Variants in SRSF10 observed in about 807,000 individuals in gnomAD.
The protein encoded by SRSF10 is serine and arginine rich splicing factor 10.
In SRSF10, 9 loss-of-function variants were observed where a neutral mutation model predicts 32.6. The ratio of observed to expected loss-of-function variants is 0.28; its 90% CI spans 0.17 to 0.48. The LOEUF (loss-of-function observed/expected upper bound fraction) is 0.48. SRSF10 is among the 20% of genes least tolerant of loss of function. The pLI is 0.99. For synonymous variants in SRSF10, 105 were observed against 112.4 expected (o/e 0.93, Z 0.42); for missense variants, 201 against 331.8 (o/e 0.61, Z 3.06).
chr1:23,977,635 C>G lies in SRSF10; in HGVS notation c.170+1078G>C, dbSNP rs1257486796. On this transcript the variant is annotated intron_variant, in intron 2 of 5. Coordinates refer to ENST00000492112, the MANE Select transcript of SRSF10 (RefSeq NM_054016.4). ...TCTGTGGCTTAACCCCAGAACCCCACGCTACTCCAAAGAGCACTGCCTGCT... is the reference window on the plus strand; with the variant it reads ...TCTGTGGCTTAACCCCAGAACCCCAGGCTACTCCAAAGAGCACTGCCTGCT... The G allele has an allele frequency of 2.0e-5, 3 of 152,820 alleles. No homozygotes were observed. The Admixed American group carries it at 2.0e-4, about 10-fold the overall frequency. The allele number at this position is 152,820 out of a possible 1,614,324, so 9.5% of individuals were successfully genotyped here. A position where few individuals can be genotyped will look rare whatever the true frequency, so the allele number is the denominator to read the frequency against.
At position 23,971,561 on chromosome 1, in the gene SRSF10, A is replaced by G; in HGVS notation, c.491+12T>C. ...AAAATACATGAGTCTTTTTCAAAGC[A>G]AAGTTATTTACCTATCATTGTCGGA... On this transcript the variant is annotated intron_variant, in intron 5 of 5. Coordinates refer to ENST00000492112, the MANE Select transcript of SRSF10 (RefSeq NM_054016.4). The G allele has an allele frequency of 6.2e-7, 1 of 1,607,180 alleles. No individual in the cohort carries two copies. Among genetic ancestry groups the G allele is most frequent in the Non-Finnish European group, 8.5e-7 (1 of 1,178,728 alleles).
chr1:23,965,938 T>A lies in SRSF10; in HGVS notation c.*5204A>T, dbSNP rs1641428695. The A allele has an allele frequency of 6.6e-6, 1 of 151,934 alleles. No individual in the cohort carries two copies. Among genetic ancestry groups the A allele is most frequent in the Admixed American group, 6.6e-5 (1 of 15,234 alleles). 9.4% of individuals were successfully genotyped at this position (151,934 alleles called of 1,614,324 possible). ...CTTTTAAAAATACATAGAACCTCTG[T>A]CCATAAGAACCCCTATGTTAATGAG... is the stretch of plus-strand genomic sequence containing the variant. On this transcript the variant is annotated 3_prime_UTR_variant, in exon 6 of 6. Transcript: ENST00000492112.
At chr1:23,971,823 G>T (rs1641772986) in intron 4 of SRSF10, 27 bp downstream of exon 4, 1 of 1,576,466 alleles carries the variant, frequency 6.3e-7, no homozygotes, top group South Asian at 1.2e-5. Flanking sequence ...TTTTTAAACA[G>T]ATCACTGTGC....
At chr1:23,971,498 TTTG>T in intron 5 of SRSF10, 59 bp from the exon 6 acceptor site, 1 of 1,588,196 alleles carries the variant, frequency 6.3e-7, no homozygotes, top group Non-Finnish European at 8.5e-7. Flanking sequence ...ATTAATCAAA[TTTG>T]TTATTTTTAG....
Position 23,967,920 on chromosome 1 carries a change from G to A in SRSF10, c.*3222C>T, listed in dbSNP as rs1320394738. Reference sequence around the variant, plus strand: ...TATGTAGCACCTTTCCTCTCTCACTGAAGCATTATCTCTCATTTTTCTTCT... The same window carrying A: ...TATGTAGCACCTTTCCTCTCTCACTAAAGCATTATCTCTCATTTTTCTTCT... On this transcript the variant is annotated 3_prime_UTR_variant, in exon 6 of 6. Transcript: ENST00000492112. 6 of 1,543,736 alleles carry A rather than the reference G, an allele frequency of 3.9e-6. No homozygotes were observed. The highest frequency in any genetic ancestry group is 5.2e-6 in the Non-Finnish European group (6 of 1,145,950).
At chr1:23,974,592 G>A (rs1641970554) in intron 3 of SRSF10, among the ~76,000 whole-genome samples, 1 of 152,188 alleles carries the variant, frequency 6.6e-6, no homozygotes, top group East Asian at 1.9e-4. Context: ...ACTTTGAGAG[G>A]CTGAGGCAGG....
intron 3 of SRSF10, among the ~76,000 whole-genome samples, chr1:23,974,262 G>A (rs1229167081): frequency 1.1e-4 from 17 of 152,132 alleles, no homozygotes; most frequent in Non-Finnish European, 2.5e-4. Flanking sequence ...ACTGCACCCT[G>A]CGGTTATTTT....
In SRSF10 at chr1:23,965,235, G is replaced by A. The variant is rs952350233; in HGVS notation, c.*5907C>T. ...TGCTAGTCCTCCTTCCTAATAGAATGCCCTCAGATTATTCCTGAGCTATCA... is the reference window on the plus strand; with the variant it reads ...TGCTAGTCCTCCTTCCTAATAGAATACCCTCAGATTATTCCTGAGCTATCA... On this transcript the variant is annotated 3_prime_UTR_variant, in exon 6 of 6. Coordinates refer to ENST00000492112, the MANE Select transcript of SRSF10 (RefSeq NM_054016.4). 4.6e-5 allele frequency: 7 copies of A among 151,904 alleles called. No individual in the cohort carries two copies. The highest frequency in any genetic ancestry group is 1.0e-4 in the Non-Finnish European group (7 of 67,832). The allele number at this position is 151,904 out of a possible 1,614,324, so 9.4% of individuals were successfully genotyped here.
chr1:23,975,895 C>T (rs1275091518), intron 2 of SRSF10: 2 of 152,156 alleles, frequency 1.3e-5, no homozygotes, highest in Non-Finnish European at 2.9e-5. Flanking sequence ...TATTATTTAC[C>T]AGCCTTAAGC....
chr1:23,977,777 A>C (rs1269898976), intron 2 of SRSF10: 1 of 419,238 alleles, frequency 2.4e-6, no homozygotes, highest in Non-Finnish European at 3.2e-6. Context: ...ACAAGACCAC[A>C]ATCACAACAT....
At chr1:23,974,299 G>A (rs916812678) in intron 3 of SRSF10, among the ~76,000 whole-genome samples, 1 of 152,068 alleles carries the variant, frequency 6.6e-6, no homozygotes, top group African/African-American at 2.4e-5. Flanking sequence ...TCTTGCCCAA[G>A]GTAACATAAT....
intron 2 of SRSF10, chr1:23,977,537 G>A (rs1210878503): frequency 6.6e-6 from 1 of 152,098 alleles, no homozygotes; most frequent in African/African-American, 2.4e-5. Flanking sequence ...TAGTGGTTCT[G>A]ACCCTACAAG....
At position 23,970,317 on chromosome 1, in the gene SRSF10, T is replaced by G. The variant is rs1320276652; in HGVS notation, c.*825A>C. 1.3e-4 allele frequency: 130 copies of G among 981,370 alleles called. No homozygotes were observed. Among genetic ancestry groups the G allele is most frequent in the Non-Finnish European group, 1.5e-4 (121 of 827,974 alleles). 60.8% of individuals were successfully genotyped at this position (981,370 alleles called of 1,614,324 possible). On this transcript the variant is annotated 3_prime_UTR_variant, in exon 6 of 6. Transcript: ENST00000492112. ...AAGACAGTGGGGTTAACAAAAGAAC[T>G]AATCCACACTGCATCAAAAATAATT... is the stretch of plus-strand genomic sequence containing the variant.
rs1206788725 is a variant in SRSF10, at chr1:23,980,188, T to C, written c.65+3A>G. On this transcript the variant is annotated splice_donor_region_variant and intron_variant, in intron 1 of 5. Coordinates refer to ENST00000492112, the MANE Select transcript of SRSF10 (RefSeq NM_054016.4). The stretch of plus-strand genomic sequence containing the variant: ...AGGCCCGGAGTACCTGCCTTGTACC[T>C]ACCTGGTGTCGTCGGCCACGTTCCT... 7.8e-6 allele frequency: 12 copies of C among 1,531,528 alleles called. No individual in the cohort carries two copies. The highest frequency in any genetic ancestry group is 1.7e-4 in the Middle Eastern group (1 of 5,860). The allele number at this position is 1,531,528 out of a possible 1,614,324, so 94.9% of individuals were successfully genotyped here. A position where few individuals can be genotyped will look rare whatever the true frequency, so the allele number is the denominator to read the frequency against.
intron 2 of SRSF10, chr1:23,978,076 C>T (rs1642199192): frequency 1.8e-5 from 18 of 985,230 alleles, no homozygotes; most frequent in African/African-American, 3.5e-5. Context: ...GTAGATAAAG[C>T]GAGGCTTTGT....
chr1:23,980,127 C>T lies in SRSF10; in HGVS notation c.65+64G>A, dbSNP rs1642373802. The T allele has an allele frequency of 2.2e-5, 33 of 1,489,418 alleles. 1 individual carries two copies. The South Asian group carries it at 3.9e-4, about 18-fold the overall frequency. The allele number at this position is 1,489,418 out of a possible 1,614,324, so 92.3% of individuals were successfully genotyped here. On this transcript the variant is annotated intron_variant, in intron 1 of 5. Coordinates refer to ENST00000492112, the MANE Select transcript of SRSF10 (RefSeq NM_054016.4). ...TCCCCCGGCCCAGTGCCGCCACCAC[C>T]AGGGTCCTCTCCAGGCGCCTGCGGC...
At chr1:23,979,966 G>A (rs1479185500) in intron 1 of SRSF10, among the ~76,000 whole-genome samples, 3 of 152,168 alleles carry the variant, frequency 2.0e-5, no homozygotes, top group African/African-American at 7.2e-5. Context: ...AGGGGGAGGG[G>A]GACCGAAAAA....
At chr1:23,974,832 C>CAAAA (rs113600652) in intron 3 of SRSF10, 142 bp downstream of exon 3, 3 of 508,272 alleles carry the variant, frequency 5.9e-6, no homozygotes. Flanking sequence ...GACTCCGTCT[C>CAAAA]AAAAAAAAAA....
rs1641649039 is a variant in SRSF10, at chr1:23,969,999, TTC to T, written c.*1141_*1142del. 1 of 985,308 alleles carries T rather than the reference TTC, an allele frequency of 1.0e-6. No homozygotes were observed. Among genetic ancestry groups the T allele is most frequent in the South Asian group, 4.7e-5 (1 of 21,286 alleles). 61.0% of individuals were successfully genotyped at this position (985,308 alleles called of 1,614,324 possible). On this transcript the variant is annotated 3_prime_UTR_variant, in exon 6 of 6. Transcript: ENST00000492112. ...AGTGCTGTAAGCATCAAAATTTCAG[TTC>T]TTTTACACTAGGCACACACACACAA...
Sources: gnomAD v4.1 joint callset for allele counts (sites outside exome capture counted in the v4.1 genomes callset) on GRCh38, gnomAD v4.1.1 for gene constraint, MANE v1.5 for transcripts, NCBI Gene and HGNC (gene_info 2026-07-23, HGNC 2026-07-21) for gene names.